THEMIS: variants seen among roughly 807,000 people sequenced by gnomAD.
THEMIS encodes the protein thymocyte selection associated.
A neutral mutation model predicts 52.6 loss-of-function variants in THEMIS; 37 were observed. The ratio of observed to expected loss-of-function variants is 0.70; its 90% CI spans 0.54 to 0.93. The LOEUF is 0.93. THEMIS is among the 40% of genes least tolerant of loss of function. The pLI is 0.00. For synonymous variants in THEMIS, 292 were observed against 272.7 expected (o/e 1.07, Z -0.70); for missense variants, 808 against 763.1 (o/e 1.06, Z -0.69).
At chr6:127,799,545 T>A (rs865932914) in intron 4 of THEMIS, among the ~76,000 whole-genome samples, 124 of 79,328 alleles carry the variant, frequency 1.6e-3, no homozygotes, top group Non-Finnish European at 1.6e-3. Context: ...CTTTCTTTCT[T>A]TCTTTCTATC....
intron 4 of THEMIS, among the ~76,000 whole-genome samples, chr6:127,774,668 T>C (rs1029232837): frequency 6.6e-6 from 1 of 152,206 alleles, no homozygotes; most frequent in Non-Finnish European, 1.5e-5. Flanking sequence ...GGAGAGTAGC[T>C]ACCACACTTA....
In THEMIS at chr6:127,746,781, AATTATATATT is replaced by A. The variant is rs1188564887; in HGVS notation, c.1759-26968_1759-26959del. Among the ~76,000 whole-genome samples the A allele has an allele frequency of 6.6e-3, 371 of 56,096 alleles. 3 individuals are homozygous for A. The highest frequency in any genetic ancestry group is 0.033 in the African/African-American group (366 of 11,182). The allele number at this position is 56,096 out of a possible 152,430, so 36.8% of individuals were successfully genotyped here. On this transcript the variant is annotated intron_variant, in intron 4 of 5. Coordinates refer to ENST00000368248, the MANE Select transcript of THEMIS (RefSeq NM_001010923.3). ...ATTATTATATAATTATATTATATAT[AATTATATATT>A]ATTATATAATTATATTATATATAAT...
intron 4 of THEMIS, among the ~76,000 whole-genome samples, chr6:127,720,415 AGCAT>A (rs1402766575): frequency 6.6e-6 from 1 of 151,958 alleles, no homozygotes; most frequent in Non-Finnish European, 1.5e-5. Context: ...GAGATGTCAC[AGCAT>A]TTGACATTAT....
intron 2 of THEMIS, among the ~76,000 whole-genome samples, chr6:127,834,729 T>C (rs1778817495): frequency 6.6e-6 from 1 of 152,138 alleles, no homozygotes; most frequent in South Asian, 2.1e-4. Flanking sequence ...GGTTCAACCA[T>C]TGCATGGGGA....
chr6:127,887,612 A>T (rs1191324185), intron 1 of THEMIS, among the ~76,000 whole-genome samples: 1 of 152,164 alleles, frequency 6.6e-6, no homozygotes, highest in Non-Finnish European at 1.5e-5. Context: ...AAAAGACTGC[A>T]TATTGTATGA....
chr6:127,839,163 CATAA>C (rs1035020306), intron 2 of THEMIS, among the ~76,000 whole-genome samples: 4 of 151,908 alleles, frequency 2.6e-5, no homozygotes, highest in Non-Finnish European at 5.9e-5. Context: ...TTATGTTGAA[CATAA>C]ATTAATTCAT....
At chr6:127,751,387 G>A (rs537172985) in intron 4 of THEMIS, among the ~76,000 whole-genome samples, 1 of 151,298 alleles carries the variant, frequency 6.6e-6, no homozygotes, top group South Asian at 2.1e-4. Flanking sequence ...AGGAAGGAAA[G>A]CATCTTACTA....
At chr6:127,787,830 GATAGATAGAGATAGACAGAT>G (rs1375495077) in intron 4 of THEMIS, among the ~76,000 whole-genome samples, 3 of 141,120 alleles carry the variant, frequency 2.1e-5, no homozygotes, top group South Asian at 4.3e-4. Flanking sequence ...TAGATAGATA[GATAGATAGAGATAGACAGAT>G]ATAGATAGAT....
rs957687146 is a variant in THEMIS, at chr6:127,728,230, C to T, written c.1759-8407G>A. 2.0e-5 allele frequency among the ~76,000 whole-genome samples: 3 copies of T among 152,186 alleles called. No individual in the cohort carries two copies. In the East Asian group the frequency reaches 5.8e-4, roughly 29 times the overall value. ...CCTCACGATCTTGGATTCTAACACT[C>T]TCCTCTGTGCTCTCACTTGCTGCTT... On this transcript the variant is annotated intron_variant, in intron 4 of 5. Transcript: ENST00000368248.
At chr6:127,904,104 G>A (rs555803090), upstream of THEMIS, among the ~76,000 whole-genome samples, 3 of 152,208 alleles carry the variant, frequency 2.0e-5, no homozygotes, top group African/African-American at 7.2e-5. Context: ...GAGAACCTGA[G>A]TTGAGTTTTT....
At chr6:127,797,386 A>AATAT (rs1349691601) in intron 4 of THEMIS, among the ~76,000 whole-genome samples, 1 of 152,162 alleles carries the variant, frequency 6.6e-6, no homozygotes, top group African/African-American at 2.4e-5. Context: ...TACTCCAGGA[A>AATAT]ATATATGCAC....
intron 1 of THEMIS, among the ~76,000 whole-genome samples, chr6:127,898,489 A>G (rs1781038618): frequency 6.6e-6 from 1 of 151,830 alleles, no homozygotes; most frequent in Non-Finnish European, 1.5e-5. Flanking sequence ...TCAAAAAGAT[A>G]AAAAATAATG....
intron 1 of THEMIS, among the ~76,000 whole-genome samples, chr6:127,914,783 A>G (rs1781485788): frequency 6.6e-6 from 1 of 152,228 alleles, no homozygotes. Flanking sequence ...TTTACAGTAA[A>G]GTTACATGCT....
intron 2 of THEMIS, among the ~76,000 whole-genome samples, chr6:127,844,029 G>A (rs550463782): frequency 1.3e-3 from 192 of 152,096 alleles, no homozygotes; most frequent in African/African-American, 4.6e-3. Context: ...TAAATTATGT[G>A]AGAAATGTTG....
chr6:127,819,447 A>T (rs1177762232), intron 3 of THEMIS, among the ~76,000 whole-genome samples: 1 of 152,160 alleles, frequency 6.6e-6, no homozygotes, highest in Admixed American at 6.5e-5. Flanking sequence ...GCTTCAAAAC[A>T]TTAAGCAGGA....
chr6:127,777,872 G>A lies in THEMIS; in HGVS notation c.1758+35011C>T, dbSNP rs893438517. Among the ~76,000 whole-genome samples, 4 of 152,108 alleles carry A rather than the reference G, an allele frequency of 2.6e-5. No homozygotes were observed. In the South Asian group the frequency reaches 8.3e-4, roughly 31 times the overall value. ...CATATGGAAAGGCCATAGACATCCAGAGTTCTATAATTGTTTCCAGAGGGG... is the reference window on the plus strand; with the variant it reads ...CATATGGAAAGGCCATAGACATCCAAAGTTCTATAATTGTTTCCAGAGGGG... On this transcript the variant is annotated intron_variant, in intron 4 of 5. Coordinates refer to ENST00000368248, the MANE Select transcript of THEMIS (RefSeq NM_001010923.3).
chr6:127,871,621 C>T (rs904444750), intron 1 of THEMIS, among the ~76,000 whole-genome samples: 1 of 151,982 alleles, frequency 6.6e-6, no homozygotes, highest in African/African-American at 2.4e-5. Flanking sequence ...GAGGATAGCA[C>T]TACAGAACAT....
intron 4 of THEMIS, among the ~76,000 whole-genome samples, chr6:127,739,424 G>A (rs1209345065): frequency 2.6e-5 from 4 of 152,174 alleles, no homozygotes; most frequent in African/African-American, 9.7e-5. Flanking sequence ...AAGGCAGGCG[G>A]ATAACGAGGT....
chr6:127,813,212 G>A lies in THEMIS; in HGVS notation c.1429C>T (p.Pro477Ser). 1 of 1,614,068 alleles carries A rather than the reference G, an allele frequency of 6.2e-7. No individual in the cohort carries two copies. The highest frequency in any genetic ancestry group is 8.5e-7 in the Non-Finnish European group (1 of 1,180,016). Residue 477 changes from proline to serine, a missense_variant, in exon 4 of 6, where the codon CCA (proline) becomes TCA (serine). Coordinates refer to ENST00000368248, the MANE Select transcript of THEMIS (RefSeq NM_001010923.3). ...SIEEDVLAAT[P>S]GLQLEEDITD... ...ATGTCCTCCTCCAACTGCAGTCCTG[G>A]TGTGGCAGCCAACACGTCCTCTTCA...
Sources: gnomAD v4.1 joint callset for allele counts (sites outside exome capture counted in the v4.1 genomes callset) on GRCh38, gnomAD v4.1.1 for gene constraint, MANE v1.5 for transcripts, NCBI Gene and HGNC (gene_info 2026-07-23, HGNC 2026-07-21) for gene names.